Variants in CDH22 observed in about 807,000 individuals in gnomAD.
The protein encoded by CDH22 is cadherin-22.
In CDH22, 30 loss-of-function variants were observed where a neutral mutation model predicts 58.4. The observed-to-expected ratio is 0.51, with a 90% confidence interval of 0.38 to 0.70. The LOEUF is 0.70. CDH22 is among the 30% of genes least tolerant of loss of function. The pLI is 0.00. For synonymous variants in CDH22, 513 were observed against 558.2 expected (o/e 0.92, Z 1.14); for missense variants, 1,014 against 1,233.9 (o/e 0.82, Z 2.67).
At chr20:46,265,472 C>G (rs1021202948) in intron 1 of CDH22, among the ~76,000 whole-genome samples, 1 of 152,212 alleles carries the variant, frequency 6.6e-6, no homozygotes, top group East Asian at 1.9e-4. Context: ...TAGCCCCCTC[C>G]TCAGAAGCTC....
intron 1 of CDH22, among the ~76,000 whole-genome samples, chr20:46,304,978 T>G (rs2086667869): frequency 1.3e-5 from 2 of 152,170 alleles, no homozygotes; most frequent in Non-Finnish European, 2.9e-5. Flanking sequence ...AAAATAGATT[T>G]CAGTCCCCGC....
rs914539765 is a variant in CDH22 at position 46,236,579 on chromosome 20, T to C, written c.550+4384A>G. Reference sequence around the variant, plus strand: ...TATAAAAATAAATATATATTATATATAAATATAATATATAATATATTATAT... The same window carrying C: ...TATAAAAATAAATATATATTATATACAAATATAATATATAATATATTATAT... On this transcript the variant is annotated intron_variant, in intron 3 of 11. Coordinates refer to ENST00000537909, the MANE Select transcript of CDH22 (RefSeq NM_021248.3). 1.2e-3 allele frequency among the ~76,000 whole-genome samples: 175 copies of C among 140,904 alleles called. 1 individual carries two copies. The highest frequency in any genetic ancestry group is 2.2e-3 in the Non-Finnish European group (146 of 65,902). 92.4% of individuals were successfully genotyped at this position (140,904 alleles called of 152,430 possible). A position where few individuals can be genotyped will look rare whatever the true frequency, so the allele number is the denominator to read the frequency against.
At chr20:46,191,789 T>A (rs988955522) in intron 8 of CDH22, among the ~76,000 whole-genome samples, 3 of 152,206 alleles carry the variant, frequency 2.0e-5, no homozygotes, top group Admixed American at 6.5e-5. Flanking sequence ...TTCAAGGCCC[T>A]GAACAAATTT....
At chr20:46,228,311 T>A (rs2086195159) in intron 3 of CDH22, among the ~76,000 whole-genome samples, 1 of 151,950 alleles carries the variant, frequency 6.6e-6, no homozygotes, top group Non-Finnish European at 1.5e-5. Context: ...TCCTCGCCCC[T>A]CCCCCTGGGT....
rs571413913 is a variant in CDH22 at position 46,190,382 on chromosome 20, C to G, written c.1424-3435G>C. Reference sequence around the variant, plus strand: ...AACCCTCCTGACTCCAAGTTCAGCGCTTGGTCCTGATACAATGTCAGGGGC... The same window carrying G: ...AACCCTCCTGACTCCAAGTTCAGCGGTTGGTCCTGATACAATGTCAGGGGC... On this transcript the variant is annotated intron_variant, in intron 8 of 11. Coordinates refer to ENST00000537909, the MANE Select transcript of CDH22 (RefSeq NM_021248.3). Among the ~76,000 whole-genome samples, 5 of 152,278 alleles carry G rather than the reference C, an allele frequency of 3.3e-5. No homozygotes were observed. In the South Asian group the frequency reaches 1.0e-3, roughly 32 times the overall value.
chr20:46,285,109 T>A (rs999358716), intron 1 of CDH22, among the ~76,000 whole-genome samples: 2 of 152,156 alleles, frequency 1.3e-5, no homozygotes, highest in East Asian at 3.9e-4. Flanking sequence ...TTGGTTCCCA[T>A]GTTTAGCTGC....
At position 46,174,377 on chromosome 20, in the gene CDH22, C is replaced by A. The variant is rs1334264819; in HGVS notation, c.*129G>T. On this transcript the variant is annotated 3_prime_UTR_variant, in exon 12 of 12. Coordinates refer to ENST00000537909, the MANE Select transcript of CDH22 (RefSeq NM_021248.3). The surrounding 1 kb of genome is among the most constrained non-coding windows in gnomAD (Gnocchi z 4.4). ...AGAGTCCGCTCCTAGCAAGTCCCCC[C>A]TCCGTCCAGCCGCCAAGGGAGGGTT... 2 of 639,644 alleles carry A rather than the reference C, an allele frequency of 3.1e-6. No individual in the cohort carries two copies. The highest frequency in any genetic ancestry group is 3.8e-5 in the Admixed American group (1 of 25,984). The allele number at this position is 639,644 out of a possible 1,614,324, so 39.6% of individuals were successfully genotyped here.
chr20:46,244,470 C>T (rs902681393), intron 2 of CDH22, among the ~76,000 whole-genome samples: 14 of 152,350 alleles, frequency 9.2e-5, no homozygotes, highest in Non-Finnish European at 2.1e-4. Flanking sequence ...TCAGGACTCT[C>T]AGCTGCGAGT....
intron 1 of CDH22, among the ~76,000 whole-genome samples, chr20:46,258,743 C>T (rs541862909): frequency 1.3e-5 from 2 of 152,368 alleles, no homozygotes; most frequent in Non-Finnish European, 1.5e-5. Flanking sequence ...AGTCACCGAG[C>T]ACCTGCTGTG....
intron 1 of CDH22, among the ~76,000 whole-genome samples, chr20:46,265,054 G>GT (rs1202492963): frequency 6.6e-6 from 1 of 152,112 alleles, no homozygotes; most frequent in African/African-American, 2.4e-5. Flanking sequence ...GTGTGCCGGT[G>GT]CCACCGGCAG....
At chr20:46,296,161 A>G (rs1435860573) in intron 1 of CDH22, among the ~76,000 whole-genome samples, 1 of 152,172 alleles carries the variant, frequency 6.6e-6, no homozygotes, top group African/African-American at 2.4e-5. Context: ...TGGCAGACAG[A>G]TATAAGAGAA....
At chr20:46,249,027 G>A (rs1015873965) in intron 2 of CDH22, among the ~76,000 whole-genome samples, 2 of 152,152 alleles carry the variant, frequency 1.3e-5, no homozygotes, top group Non-Finnish European at 2.9e-5. Context: ...AAACAAACAA[G>A]CCACAGGCTG....
rs763126816 is a variant in CDH22 at position 46,210,286 on chromosome 20, G to T, written c.1286+21C>A. On this transcript the variant is annotated intron_variant, in intron 7 of 11. Transcript: ENST00000537909. This position sits in a 1 kb window ranked among gnomAD's most constrained non-coding sequence, Gnocchi z 4.5. ...GGCGGGATAGCAGGCAGCAGGCGTCGGCCCCGGGCGGGGGTCTCACCGGAC... is the reference window on the plus strand; with the variant it reads ...GGCGGGATAGCAGGCAGCAGGCGTCTGCCCCGGGCGGGGGTCTCACCGGAC... 1.4e-6 allele frequency: 2 copies of T among 1,384,462 alleles called. No homozygotes were observed. Among genetic ancestry groups the T allele is most frequent in the African/African-American group, 1.5e-5 (1 of 65,530 alleles). 85.8% of individuals were successfully genotyped at this position (1,384,462 alleles called of 1,614,324 possible).
chr20:46,187,733 AC>A (rs905371988), intron 8 of CDH22, among the ~76,000 whole-genome samples: 3 of 150,232 alleles, frequency 2.0e-5, no homozygotes, highest in Admixed American at 6.6e-5. Context: ...GCCCCCAACA[AC>A]ACTGTCATCA....
intron 5 of CDH22, among the ~76,000 whole-genome samples, chr20:46,215,159 C>T (rs2086075391): frequency 1.3e-5 from 2 of 152,166 alleles, no homozygotes; most frequent in African/African-American, 4.8e-5. Flanking sequence ...CAATTTCACT[C>T]CTCTGTATCC....
In CDH22 at chr20:46,210,369, C is replaced by A. The variant is rs2039733689; in HGVS notation, c.1224G>T (p.Gln408His). Residue 408 changes from glutamine (Q) to histidine (H), a missense_variant, in exon 7 of 12, where the codon CAG becomes CAT. Physicochemically the swap from Gln to His is conservative, Grantham distance 24. Transcript: ENST00000537909. The surrounding 1 kb of genome is among the most constrained non-coding windows in gnomAD (Gnocchi z 4.5). ...SGLLEVQEDA[Q>H]VGSLVGVVTA... Reference sequence around the variant, plus strand: ...TCACCACGCCGACCAGGGAGCCCACCTGCGCGTCCTCCTGCACCTCCAGGA... The same window carrying A: ...TCACCACGCCGACCAGGGAGCCCACATGCGCGTCCTCCTGCACCTCCAGGA... 7 of 1,478,176 alleles carry A rather than the reference C, an allele frequency of 4.7e-6. No individual in the cohort carries two copies. The East Asian group carries it at 2.0e-4, about 43-fold the overall frequency. The allele number at this position is 1,478,176 out of a possible 1,614,324, so 91.6% of individuals were successfully genotyped here.
intron 8 of CDH22, among the ~76,000 whole-genome samples, chr20:46,198,179 C>G (rs1478772248): frequency 6.6e-6 from 1 of 151,914 alleles, no homozygotes; most frequent in Non-Finnish European, 1.5e-5. Context: ...GGCCTCTCTC[C>G]CAGTGCTCTC....
chr20:46,224,393 A>G (rs1208869147), intron 4 of CDH22, among the ~76,000 whole-genome samples: 1 of 152,172 alleles, frequency 6.6e-6, no homozygotes, highest in Non-Finnish European at 1.5e-5. Context: ...GTCCCATTGA[A>G]TCCTCACGAC....
chr20:46,235,223 G>T (rs1252323686), intron 3 of CDH22, among the ~76,000 whole-genome samples: 2 of 152,222 alleles, frequency 1.3e-5, no homozygotes, highest in African/African-American at 4.8e-5. Flanking sequence ...GCACAAGATT[G>T]GCATGAATAA....
Sources: gnomAD v4.1 joint callset for allele counts (sites outside exome capture counted in the v4.1 genomes callset) on GRCh38, gnomAD v4.1.1 for gene constraint, Gnocchi (gnomAD v3.1) non-coding constraint, MANE v1.5 for transcripts, NCBI Gene and HGNC (gene_info 2026-07-23, HGNC 2026-07-21) for gene names.